Variants in WDR59 observed in about 807,000 individuals in gnomAD.
WDR59 encodes the protein GATOR2 complex protein WDR59.
In WDR59, 100 loss-of-function variants were observed where a neutral mutation model predicts 131.2. The ratio of observed to expected loss-of-function variants is 0.76; its 90% CI spans 0.65 to 0.90. The LOEUF is 0.90. Ranked by LOEUF, WDR59 falls within the 40% of genes least tolerant of loss-of-function variation. The probability of loss-of-function intolerance (pLI) is 0.00; values close to 1 mark genes in which losing one functional copy is unlikely to be tolerated. For synonymous variants in WDR59, 601 were observed against 466.2 expected, an observed-to-expected ratio of 1.29 and a Z score of -3.72; for missense variants, 1,203 against 1,262.2, an observed-to-expected ratio of 0.95 and a Z score of 0.71.
chr16:74,942,471 C>T (rs909199574), intron 7 of WDR59, among the ~76,000 whole-genome samples: 10 of 152,144 alleles, frequency 6.6e-5, no homozygotes, highest in Non-Finnish European at 1.0e-4. Flanking sequence ...AGAGAAGTGA[C>T]GGTGGCTTAC....
At chr16:74,915,147 A>C (rs537325807) in intron 13 of WDR59, among the ~76,000 whole-genome samples, 60 of 152,242 alleles carry the variant, frequency 3.9e-4, no homozygotes, top group African/African-American at 1.1e-3. Flanking sequence ...ACAGCCCAGC[A>C]CAGCACAGCA....
chr16:74,925,151 G>C lies in WDR59; in HGVS notation c.652-1148C>G, dbSNP rs141801130. On this transcript the variant is annotated intron_variant, in intron 8 of 25. Coordinates refer to ENST00000262144, the MANE Select transcript of WDR59 (RefSeq NM_030581.4). ...ATATACATAAGTGGAATACTACTCAGTACTAAAAAGTCTATGCATTATTAA... is the reference window on the plus strand; with the variant it reads ...ATATACATAAGTGGAATACTACTCACTACTAAAAAGTCTATGCATTATTAA... Among the ~76,000 whole-genome samples the C allele has an allele frequency of 3.5e-3, 539 of 152,260 alleles. 2 individuals carry two copies. The highest frequency in any genetic ancestry group is 8.6e-3 in the Admixed American group (132 of 15,292).
intron 11 of WDR59, 56 bp from the exon 12 acceptor site, chr16:74,916,315 T>G: frequency 6.2e-7 from 1 of 1,608,378 alleles, no homozygotes; most frequent in South Asian, 1.1e-5. Flanking sequence ...ATGATTGTCA[T>G]GTCTGATTAA....
At chr16:74,894,681 A>G (rs1965206234) in intron 18 of WDR59, among the ~76,000 whole-genome samples, 1 of 152,258 alleles carries the variant, frequency 6.6e-6, no homozygotes, top group South Asian at 2.1e-4. Context: ...GCTAGTAAAA[A>G]GGCCTCCAAT....
At chr16:74,977,274 T>G (rs72798683) in intron 1 of WDR59, among the ~76,000 whole-genome samples, 4,149 of 152,008 alleles carry the variant, frequency 0.027, 85 homozygotes, top group Non-Finnish European at 0.042. Context: ...AAAAAAAAAT[T>G]TTTAATACCA....
chr16:74,978,761 T>A (rs558621841), intron 1 of WDR59, among the ~76,000 whole-genome samples: 23 of 152,088 alleles, frequency 1.5e-4, no homozygotes, highest in Non-Finnish European at 2.4e-4. Context: ...TTTTTTTTTT[T>A]AATCACTCTG....
intron 2 of WDR59, chr16:74,959,680 G>A (rs1394621879): frequency 9.0e-6 from 3 of 333,222 alleles, no homozygotes; most frequent in South Asian, 5.0e-5. Flanking sequence ...TACTGAGAAG[G>A]CTGAGATGGG....
intron 2 of WDR59, chr16:74,959,419 T>C (rs1485236893): frequency 2.7e-6 from 1 of 374,982 alleles, no homozygotes. Context: ...CAGCCAACGA[T>C]CTCAGTCACC....
At chr16:74,908,478 T>C (rs1209910489) in intron 17 of WDR59, among the ~76,000 whole-genome samples, 4 of 152,220 alleles carry the variant, frequency 2.6e-5, no homozygotes, top group African/African-American at 9.6e-5. Context: ...ACTTATGGAA[T>C]GTTTTAAAAT....
At chr16:74,918,163 C>T (rs1184492024) in intron 10 of WDR59, among the ~76,000 whole-genome samples, 155 bp from the exon 11 acceptor site, 1 of 152,186 alleles carries the variant, frequency 6.6e-6, no homozygotes, top group Non-Finnish European at 1.5e-5. Flanking sequence ...AGGACTACAG[C>T]ATGAATAAAA....
chr16:74,901,643 C>T (rs1204827506), intron 18 of WDR59, among the ~76,000 whole-genome samples: 2 of 148,824 alleles, frequency 1.3e-5, no homozygotes, highest in Non-Finnish European at 3.0e-5. Context: ...GAGTGAGGCC[C>T]CATCTCTTAA....
chr16:74,983,390 T>C (rs1002905332), intron 1 of WDR59, among the ~76,000 whole-genome samples: 2 of 151,884 alleles, frequency 1.3e-5, no homozygotes, highest in African/African-American at 4.8e-5. Context: ...CAAGAATCGT[T>C]TGAACCTGGG....
rs1964755396 is a variant in WDR59 at position 74,886,207 on chromosome 16, T to C, written c.2546+63A>G. ...AAAAAAAAAGTAAGAGTTGTGATTG[T>C]GGAGAAACTGGAGTCCTGCCTGGAG... On this transcript the variant is annotated intron_variant, in intron 24 of 25. Coordinates refer to ENST00000262144, the MANE Select transcript of WDR59 (RefSeq NM_030581.4). 21 of 1,262,426 alleles carry C rather than the reference T, an allele frequency of 1.7e-5. No homozygotes were observed. The South Asian group carries it at 2.5e-4, about 15-fold the overall frequency. The allele number at this position is 1,262,426 out of a possible 1,614,324, so 78.2% of individuals were successfully genotyped here.
rs940756407 is a variant in WDR59, at chr16:74,952,463, A to G, written c.241-920T>C. 2.3e-3 allele frequency among the ~76,000 whole-genome samples: 344 copies of G among 150,506 alleles called. 2 individuals carry two copies. The highest frequency in any genetic ancestry group is 0.02 in the Admixed American group (307 of 14,978). On this transcript the variant is annotated intron_variant, in intron 3 of 25. Coordinates refer to ENST00000262144, the MANE Select transcript of WDR59 (RefSeq NM_030581.4). ...TCTCAAACAAAAAAAAAAAAAAAAA[A>G]AAAGAAAAGAAAAGAAGAAAGATCC...
At chr16:74,886,196 A>G (rs1964754425) in intron 24 of WDR59, 74 bp downstream of exon 24, 23 of 1,457,584 alleles carry the variant, frequency 1.6e-5, no homozygotes, top group African/African-American at 2.9e-5. Context: ...AAAAAGTAAG[A>G]GTTGTGATTG....
chr16:74,922,827 T>A (rs2030379395), intron 9 of WDR59, among the ~76,000 whole-genome samples: 1 of 152,122 alleles, frequency 6.6e-6, no homozygotes, highest in Non-Finnish European at 1.5e-5. Flanking sequence ...CTAAGAAGAG[T>A]GTCTGATTTC....
chr16:74,931,049 A>C (rs778703182), intron 8 of WDR59, among the ~76,000 whole-genome samples: 7 of 152,052 alleles, frequency 4.6e-5, no homozygotes, highest in African/African-American at 9.7e-5. Context: ...AAATCAGACT[A>C]TGTAGTTTGA....
At chr16:74,935,906 A>T (rs998857225) in intron 8 of WDR59, among the ~76,000 whole-genome samples, 2 of 151,906 alleles carry the variant, frequency 1.3e-5, no homozygotes, top group African/African-American at 4.8e-5. Flanking sequence ...CTGAGGCAGG[A>T]GAATCGCTTG....
In WDR59 at chr16:74,943,144, G is replaced by C. The variant is rs79481281; in HGVS notation, c.446-318C>G. ...TAGTTGAGCATGGCACTGCTGGCTA[G>C]TAATTGACTTGTCACACAACCTGAC... On this transcript the variant is annotated intron_variant, in intron 6 of 25. Transcript: ENST00000262144. 2.2e-3 allele frequency among the ~76,000 whole-genome samples: 337 copies of C among 152,174 alleles called. 1 individual carries two copies. Among genetic ancestry groups the C allele is most frequent in the African/African-American group, 7.4e-3 (309 of 41,508 alleles).
Sources: gnomAD v4.1 joint callset for allele counts (sites outside exome capture counted in the v4.1 genomes callset) on GRCh38, gnomAD v4.1.1 for gene constraint, MANE v1.5 for transcripts, NCBI Gene and HGNC (gene_info 2026-07-23, HGNC 2026-07-21) for gene names.